The following C9orf43 variants were observed in gnomAD, a reference collection of about 807,000 sequenced individuals.
The protein encoded by C9orf43 is chromosome 9 open reading frame 43.
Under a neutral mutation model 59.1 loss-of-function variants are expected in C9orf43, and 45 were observed. The ratio of observed to expected loss-of-function variants is 0.76; its 90% CI spans 0.60 to 0.98. The LOEUF (loss-of-function observed/expected upper bound fraction) is 0.98. C9orf43 is among the 50% of genes least tolerant of loss of function. The pLI is 0.00. For missense variants in C9orf43, 533 were observed against 554.9 expected (o/e 0.96, Z 0.40); for synonymous variants, 203 against 196.8 (o/e 1.03, Z -0.26).
intron 11 of C9orf43, among the ~76,000 whole-genome samples, chr9:113,426,439 G>C (rs1442902779): frequency 6.6e-6 from 1 of 152,170 alleles, no homozygotes; most frequent in Non-Finnish European, 1.5e-5. Flanking sequence ...GAGGATCGTT[G>C]TGCCCGTCTC....
Position 113,425,333 on chromosome 9 carries a change from C to G in C9orf43, c.866-11C>G, listed in dbSNP as rs1189877410. 2 of 1,613,842 alleles carry G rather than the reference C, an allele frequency of 1.2e-6. No homozygotes were observed. The highest frequency in any genetic ancestry group is 8.5e-7 in the Non-Finnish European group (1 of 1,179,962). On this transcript the variant is annotated splice_polypyrimidine_tract_variant and intron_variant, in intron 9 of 13. Coordinates refer to ENST00000374165, the MANE Select transcript of C9orf43 (RefSeq NM_001278629.2). Reference sequence around the variant, plus strand: ...GTTAGAAGAGGATCAAGCTGGCTCTCTGGTCACCAGGTTACAGGAAACAGC... The same window carrying G: ...GTTAGAAGAGGATCAAGCTGGCTCTGTGGTCACCAGGTTACAGGAAACAGC...
At chr9:113,414,655 A>G (rs1828294070) in intron 3 of C9orf43, among the ~76,000 whole-genome samples, 1 of 152,110 alleles carries the variant, frequency 6.6e-6, no homozygotes, top group Admixed American at 6.5e-5. Context: ...CAAGGACACC[A>G]GTCTTACTGG....
Position 113,419,594 on chromosome 9 carries a change from A to G in C9orf43, c.345+429A>G, listed in dbSNP as rs902961780. On this transcript the variant is annotated intron_variant, in intron 4 of 13. Coordinates refer to ENST00000374165, the MANE Select transcript of C9orf43 (RefSeq NM_001278629.2). ...AAATAGATTTTACAACAAAAATACCATGGAACAATCCTTACCCTAACTATG... is the reference window on the plus strand; with the variant it reads ...AAATAGATTTTACAACAAAAATACCGTGGAACAATCCTTACCCTAACTATG... Among the ~76,000 whole-genome samples, 5 of 152,168 alleles carry G rather than the reference A, an allele frequency of 3.3e-5. 1 individual carries two copies. The highest frequency in any genetic ancestry group is 2.0e-4 in the Admixed American group (3 of 15,276).
At chr9:113,427,601 G>T (rs935569880) in intron 11 of C9orf43, among the ~76,000 whole-genome samples, 6 of 152,280 alleles carry the variant, frequency 3.9e-5, no homozygotes, top group African/African-American at 1.2e-4. Context: ...ATTTCTCCCA[G>T]TGTACAGCTA....
chr9:113,423,197 T>G, intron 6 of C9orf43, 129 bp from the exon 7 acceptor site: 1 of 780,106 alleles, frequency 1.3e-6, no homozygotes, highest in Non-Finnish European at 2.0e-6. Flanking sequence ...GTGGCGGCCC[T>G]CATCGTTCAG....
intron 11 of C9orf43, among the ~76,000 whole-genome samples, chr9:113,427,914 C>CT (rs1197200528): frequency 2.6e-5 from 4 of 152,214 alleles, no homozygotes; most frequent in African/African-American, 9.6e-5. Flanking sequence ...AATCCTGGGT[C>CT]TTTTAACACA....
intron 3 of C9orf43, among the ~76,000 whole-genome samples, chr9:113,415,341 G>A (rs1202527423): frequency 6.6e-6 from 1 of 151,620 alleles, no homozygotes; most frequent in African/African-American, 2.4e-5. Context: ...ACAGGTTTTC[G>A]CCATGTTTGC....
At chr9:113,428,295 T>A in intron 12 of C9orf43, 72 bp downstream of exon 12, 1 of 1,359,648 alleles carries the variant, frequency 7.4e-7, no homozygotes, top group Non-Finnish European at 1.1e-6. Flanking sequence ...CCCCAAAGCT[T>A]AACCATAATG....
intron 1 of C9orf43, among the ~76,000 whole-genome samples, chr9:113,412,542 G>A (rs1206427292): frequency 6.6e-6 from 1 of 152,184 alleles, no homozygotes; most frequent in Non-Finnish European, 1.5e-5. Context: ...TAAGGTGGTA[G>A]TTAGTGATTG....
At chr9:113,419,293 C>T in intron 4 of C9orf43, 128 bp downstream of exon 4, 1 of 675,392 alleles carries the variant, frequency 1.5e-6, no homozygotes, top group Non-Finnish European at 2.5e-6. Flanking sequence ...TGATAGTAAC[C>T]ATCTAATATT....
chr9:113,425,159 G>T, intron 9 of C9orf43, 83 bp downstream of exon 9: 13 of 1,498,216 alleles, frequency 8.7e-6, no homozygotes, highest in Non-Finnish European at 1.1e-5. Context: ...GTCCAATTCA[G>T]TTATATTTGT....
At chr9:113,413,380 A>T in intron 1 of C9orf43, 65 bp from the exon 2 acceptor site, 1 of 1,379,806 alleles carries the variant, frequency 7.2e-7, no homozygotes, top group South Asian at 1.7e-5. Context: ...GTGAGTTCAA[A>T]TTAACATCTG....
intron 7 of C9orf43, among the ~76,000 whole-genome samples, chr9:113,423,812 G>T (rs1320420105): frequency 6.6e-6 from 1 of 152,168 alleles, no homozygotes. Context: ...CAGAATATGT[G>T]GTCTGCAGTG....
chr9:113,416,105 T>A (rs941187886), intron 3 of C9orf43, among the ~76,000 whole-genome samples: 1 of 152,264 alleles, frequency 6.6e-6, no homozygotes, highest in Non-Finnish European at 1.5e-5. Context: ...CAGTGTGTCT[T>A]GCTTTCTGCT....
At chr9:113,421,043 T>C in intron 4 of C9orf43, 60 bp from the exon 5 acceptor site, 1 of 1,322,484 alleles carries the variant, frequency 7.6e-7, no homozygotes, top group South Asian at 1.2e-5. Context: ...AGCATATCCT[T>C]AATCTGATAT....
rs937864188 is a variant in C9orf43, at chr9:113,411,015, G to C, written c.-50+14G>C. Reference sequence around the variant, plus strand: ...TTTGTAATAATGGTACTAAGACTGAGTGTTATTTAGATTTTATTGTTGTTG... The same window carrying C: ...TTTGTAATAATGGTACTAAGACTGACTGTTATTTAGATTTTATTGTTGTTG... On this transcript the variant is annotated intron_variant, in intron 1 of 13. Coordinates refer to ENST00000374165, the MANE Select transcript of C9orf43 (RefSeq NM_001278629.2). 31 of 985,300 alleles carry C rather than the reference G, an allele frequency of 3.1e-5. No homozygotes were observed. The highest frequency in any genetic ancestry group is 3.6e-5 in the Non-Finnish European group (30 of 829,944). The allele number at this position is 985,300 out of a possible 1,614,324, so 61.0% of individuals were successfully genotyped here.
Position 113,410,871 on chromosome 9 carries a change from T to G in C9orf43, c.-180T>G, listed in dbSNP as rs1450523123. The G allele has an allele frequency of 1.1e-6, 1 of 892,680 alleles. No individual in the cohort carries two copies. Among genetic ancestry groups the G allele is most frequent in the Non-Finnish European group, 1.3e-6 (1 of 744,098 alleles). 55.3% of individuals were successfully genotyped at this position (892,680 alleles called of 1,614,324 possible). A position where few individuals can be genotyped will look rare whatever the true frequency, so the allele number is the denominator to read the frequency against. On this transcript the variant is annotated 5_prime_UTR_variant, in exon 1 of 14. Coordinates refer to ENST00000374165, the MANE Select transcript of C9orf43 (RefSeq NM_001278629.2). ...GAATCTGCTTTGCTCTCACAGGACC[T>G]CAGCCCGTCGTGATCAGATTCTCCC... is the stretch of plus-strand genomic sequence containing the variant.
Position 113,429,509 on chromosome 9 carries a change from TC to T in C9orf43, c.*124del. 1 of 753,252 alleles carries T rather than the reference TC, an allele frequency of 1.3e-6. No individual in the cohort carries two copies. Among genetic ancestry groups the T allele is most frequent in the Non-Finnish European group, 2.2e-6 (1 of 460,086 alleles). The allele number at this position is 753,252 out of a possible 1,614,324, so 46.7% of individuals were successfully genotyped here. On this transcript the variant is annotated 3_prime_UTR_variant, in exon 14 of 14. Transcript: ENST00000374165. ...GGCAAGAGGAGAGGGGCTTCTGCTCTCTGGAGCCTTTACCAGGGCCTGAGCT... is the reference window on the plus strand; with the variant it reads ...GGCAAGAGGAGAGGGGCTTCTGCTCTTGGAGCCTTTACCAGGGCCTGAGCT...
rs369164769 is a variant in C9orf43 at position 113,423,398 on chromosome 9, G to A, written c.556G>A (p.Val186Met). ...ACGAGTAGGAACACCAGGGATGATC[G>A]TGCCTCCCCCAACCCCAGTGCAATT... ...GTRVGTPGMI[V>M]PPPTPVQLSE... The change falls in exon 7 of 14, where the codon GTG becomes ATG. Residue 186 changes from valine (V) to methionine (M), a missense_variant. Val to Met is a conservative substitution (Grantham distance 21). Coordinates refer to ENST00000374165, the MANE Select transcript of C9orf43 (RefSeq NM_001278629.2). 9 of 1,614,070 alleles carry A rather than the reference G, an allele frequency of 5.6e-6. No individual in the cohort carries two copies. The highest frequency in any genetic ancestry group is 1.3e-5 in the African/African-American group (1 of 75,016).
Sources: gnomAD v4.1 joint callset for allele counts (sites outside exome capture counted in the v4.1 genomes callset) on GRCh38, gnomAD v4.1.1 for gene constraint, MANE v1.5 for transcripts, NCBI Gene and HGNC (gene_info 2026-07-23, HGNC 2026-07-21) for gene names.